The following CLVS1 variants were observed in gnomAD, a reference collection of about 807,000 sequenced individuals.
CLVS1 encodes clavesin-1.
A neutral mutation model predicts 33.1 loss-of-function variants in CLVS1; 10 were observed. The observed-to-expected ratio is 0.30, with a 90% confidence interval of 0.19 to 0.51. The LOEUF is 0.51. Among genes scored for constraint, CLVS1 ranks in the 20% least tolerant of loss-of-function variants. The pLI is 0.97. For synonymous variants in CLVS1, 163 were observed against 166.1 expected (o/e 0.98, Z 0.14); for missense variants, 343 against 433.4 (o/e 0.79, Z 1.85).
chr8:61,268,566 GT>G (rs1809362128), intron 2 of CLVS1, among the ~76,000 whole-genome samples: 1 of 141,044 alleles, frequency 7.1e-6, no homozygotes, highest in African/African-American at 2.6e-5. Context: ...GGTATTTCCA[GT>G]TCTAGATCCC....
chr8:61,219,778 G>T (rs573207914), intron 2 of CLVS1, among the ~76,000 whole-genome samples: 3 of 152,296 alleles, frequency 2.0e-5, no homozygotes, highest in Admixed American at 6.5e-5. Flanking sequence ...GTGTAAAGGT[G>T]TTCCTATTCC....
upstream of CLVS1, among the ~76,000 whole-genome samples, chr8:61,287,434 T>A (rs1809809955): frequency 6.6e-6 from 1 of 152,214 alleles, no homozygotes; most frequent in South Asian, 2.1e-4. Flanking sequence ...TTACTTTTTT[T>A]ATATTCTGAC....
intron 3 of CLVS1, among the ~76,000 whole-genome samples, chr8:61,427,609 A>C (rs112544264): frequency 3.9e-5 from 6 of 152,296 alleles, no homozygotes; most frequent in African/African-American, 1.4e-4. Flanking sequence ...CTTGCTCTCC[A>C]TTTTGGGGGT....
chr8:61,340,318 A>G (rs1466341393), intron 2 of CLVS1, among the ~76,000 whole-genome samples: 1 of 152,182 alleles, frequency 6.6e-6, no homozygotes, highest in East Asian at 1.9e-4. Flanking sequence ...TGCCTAACTG[A>G]AATTTTGTGT....
intron 4 of CLVS1, among the ~76,000 whole-genome samples, chr8:61,458,096 AT>A (rs2129607181): frequency 6.6e-6 from 1 of 152,318 alleles, no homozygotes; most frequent in Non-Finnish European, 1.5e-5. Flanking sequence ...CATAAACTTC[AT>A]TTTTAATGAC....
rs1289449328 is a variant in CLVS1 at position 61,299,062 on chromosome 8, T to A, written c.-151-615T>A. ...CATTGTTGAATTTGATTATTGGAGG[T>A]CAAGTTTTCAGCCATAGGCCTGTCC... On this transcript the variant is annotated intron_variant, in intron 1 of 5. Transcript: ENST00000325897. Among the ~76,000 whole-genome samples the A allele has an allele frequency of 2.0e-5, 3 of 152,032 alleles. No individual in the cohort carries two copies. In the South Asian group the frequency reaches 6.2e-4, roughly 32 times the overall value.
At chr8:61,465,881 C>A (rs1324524128) in intron 5 of CLVS1, 1 of 152,250 alleles carries the variant, frequency 6.6e-6, no homozygotes. Context: ...CCAGGATGGT[C>A]TCGATCTCTT....
intron 2 of CLVS1, among the ~76,000 whole-genome samples, chr8:61,225,153 C>G (rs1208834237): frequency 6.6e-6 from 1 of 151,874 alleles, no homozygotes; most frequent in Non-Finnish European, 1.5e-5. Context: ...CCCATTTCTA[C>G]TAAAAATACA....
At chr8:61,469,059 G>A (rs1817652377) in intron 5 of CLVS1, among the ~76,000 whole-genome samples, 1 of 152,158 alleles carries the variant, frequency 6.6e-6, no homozygotes, top group Non-Finnish European at 1.5e-5. Context: ...TTCTAATGTG[G>A]GCAGAATCCC....
At chr8:61,192,674 A>G (rs1310331848) in intron 2 of CLVS1, among the ~76,000 whole-genome samples, 3 of 151,996 alleles carry the variant, frequency 2.0e-5, no homozygotes, top group Non-Finnish European at 4.4e-5. Context: ...AATTTACAAG[A>G]AAAAAACAAA....
chr8:61,379,753 G>A (rs1813791034), intron 3 of CLVS1, among the ~76,000 whole-genome samples: 1 of 152,204 alleles, frequency 6.6e-6, no homozygotes, highest in Non-Finnish European at 1.5e-5. Context: ...TACTACAGAA[G>A]AAAGTTGGAC....
intron 5 of CLVS1, among the ~76,000 whole-genome samples, chr8:61,489,730 G>A (rs138517744): frequency 6.6e-6 from 1 of 152,258 alleles, no homozygotes; most frequent in African/African-American, 2.4e-5. Flanking sequence ...CAAATAAAGT[G>A]TATATTGAAA....
At chr8:61,163,299 G>T (rs757040150) in intron 2 of CLVS1, among the ~76,000 whole-genome samples, 2 of 152,152 alleles carry the variant, frequency 1.3e-5, no homozygotes, top group African/African-American at 4.8e-5. Flanking sequence ...CTTTGGGAAT[G>T]CTTCTTACCT....
chr8:61,400,226 C>T (rs1379253141), intron 3 of CLVS1, among the ~76,000 whole-genome samples: 4 of 151,996 alleles, frequency 2.6e-5, no homozygotes, highest in Non-Finnish European at 4.4e-5. Flanking sequence ...GTGATTTGTA[C>T]CTGTCCTTGA....
intron 1 of CLVS1, among the ~76,000 whole-genome samples, chr8:61,298,785 C>G (rs2129594511): frequency 6.6e-6 from 1 of 152,198 alleles, no homozygotes; most frequent in African/African-American, 2.4e-5. Context: ...ATGGGTGTTC[C>G]TCTGTATACC....
chr8:61,027,755 A>C, the CLVS1 span, among the ~76,000 whole-genome samples: 2 of 152,184 alleles, frequency 1.3e-5, no homozygotes, highest in African/African-American at 4.8e-5. Context: ...TCTGGTTAGA[A>C]GATGACAAAC....
At chr8:61,334,171 G>A (rs1192376663) in intron 2 of CLVS1, among the ~76,000 whole-genome samples, 1 of 152,198 alleles carries the variant, frequency 6.6e-6, no homozygotes, top group Non-Finnish European at 1.5e-5. Flanking sequence ...AACCGGGTGT[G>A]AGAAGTGGGA....
chr8:60,975,871 T>C, the CLVS1 span, among the ~76,000 whole-genome samples: 1 of 152,158 alleles, frequency 6.6e-6, no homozygotes. Context: ...TTAAATGATG[T>C]GAAAGTTAAA....
chr8:61,478,237 C>G (rs557660085), intron 5 of CLVS1, among the ~76,000 whole-genome samples: 2 of 152,100 alleles, frequency 1.3e-5, no homozygotes, highest in African/African-American at 4.8e-5. Context: ...GTACTTCCAA[C>G]TATGTGGTCA....
Sources: gnomAD v4.1 joint callset for allele counts (sites outside exome capture counted in the v4.1 genomes callset) on GRCh38, gnomAD v4.1.1 for gene constraint, MANE v1.5 for transcripts, NCBI Gene and HGNC (gene_info 2026-07-23, HGNC 2026-07-21) for gene names.